DPYSL2: variants seen among roughly 807,000 people sequenced by gnomAD.
DPYSL2 encodes dihydropyrimidinase-related protein 2.
DPYSL2 carries 13 observed loss-of-function variants against 69.9 expected under a neutral mutation model. The observed-to-expected ratio is 0.19, with a 90% CI of 0.12 to 0.30. The LOEUF (loss-of-function observed/expected upper bound fraction) is 0.30, where lower values mean the gene tolerates loss of function less well. Among genes scored for constraint, DPYSL2 ranks in the 10% least tolerant of loss-of-function variants. The pLI is 1.00. For synonymous variants in DPYSL2, 326 were observed against 359.1 expected, an observed-to-expected ratio of 0.91 and a Z score of 1.04; for missense variants, 587 against 918.9, an observed-to-expected ratio of 0.64 and a Z score of 4.67.
At chr8:26,618,557 A>G (rs1015939145) in intron 3 of DPYSL2, among the ~76,000 whole-genome samples, 1 of 148,072 alleles carries the variant, frequency 6.8e-6, no homozygotes, top group African/African-American at 2.5e-5. Flanking sequence ...GGCCTGAAGC[A>G]ATCTGCCCAC....
intron 1 of DPYSL2, among the ~76,000 whole-genome samples, chr8:26,550,795 C>T (rs559523561): frequency 6.6e-6 from 1 of 152,248 alleles, no homozygotes; most frequent in Admixed American, 6.5e-5. Flanking sequence ...GCCTCAGATG[C>T]AAGGATGCCT....
chr8:26,578,170 C>T, intron 1 of DPYSL2: 1 of 1,605,046 alleles, frequency 6.2e-7, no homozygotes, highest in Non-Finnish European at 8.5e-7. Flanking sequence ...AAAAACAAAA[C>T]AAAACAAAAA....
At position 26,580,632 on chromosome 8, in the gene DPYSL2, A is replaced by G. The variant is rs1416584179; in HGVS notation, c.355-1337A>G. Among the ~76,000 whole-genome samples, 1 of 152,192 alleles carries G rather than the reference A, an allele frequency of 6.6e-6. No individual in the cohort carries two copies. Among genetic ancestry groups the G allele is most frequent in the Non-Finnish European group, 1.5e-5 (1 of 68,034 alleles). Reference sequence around the variant, plus strand: ...AAATTATCTTTTTTCCTTGCTCTCTAGTAGCTTATCTCTTTTTTAAAGATT... The same window carrying G: ...AAATTATCTTTTTTCCTTGCTCTCTGGTAGCTTATCTCTTTTTTAAAGATT... On this transcript the variant is annotated intron_variant, in intron 1 of 13. Transcript: ENST00000521913. This position sits in a 1 kb window ranked among gnomAD's most constrained non-coding sequence, Gnocchi z 4.1.
At position 26,514,573 on chromosome 8, in the gene DPYSL2, C is replaced by T. The variant is rs768818802; in HGVS notation, c.248C>T (p.Ser83Leu). ...GGCCCGGACCCGCAGCCGCCGTACT[C>T]GCGGCAGGGCCGGCGCGCCGGCGGA... ...HLGPDPQPPY[S>L]RQGRRAGGEP... is the part of the protein sequence containing the mutation. The change falls in exon 1 of 14, where the codon TCG becomes TTG. Residue 83 changes from serine (S) to leucine (L), a missense_variant. Physicochemically the swap from Ser to Leu is moderately radical, Grantham distance 145. Transcript: ENST00000521913. The surrounding 1 kb of genome is among the most constrained non-coding windows in gnomAD (Gnocchi z 8.4). 6.6e-6 allele frequency: 10 copies of T among 1,524,752 alleles called. No homozygotes were observed. In the South Asian group the frequency reaches 8.5e-5, roughly 13 times the overall value. 94.5% of individuals were successfully genotyped at this position (1,524,752 alleles called of 1,614,324 possible).
chr8:26,576,745 T>C (rs924841802), intron 1 of DPYSL2, among the ~76,000 whole-genome samples: 14 of 152,242 alleles, frequency 9.2e-5, no homozygotes, highest in African/African-American at 3.4e-4. Flanking sequence ...AGTTTCCCTT[T>C]CCTGTGGGAT....
At chr8:26,577,455 T>A (rs1380694979) in intron 1 of DPYSL2, 1 of 148,878 alleles carries the variant, frequency 6.7e-6, no homozygotes, top group East Asian at 2.0e-4. Flanking sequence ...AGTCGCGCGC[T>A]CGCCGCCAGC....
intron 1 of DPYSL2, among the ~76,000 whole-genome samples, chr8:26,566,820 T>C (rs1229386481): frequency 6.6e-6 from 1 of 152,152 alleles, no homozygotes; most frequent in Non-Finnish European, 1.5e-5. Flanking sequence ...ATTTGTGTAA[T>C]GGGTTTATTC....
chr8:26,636,015 G>T (rs999522309), intron 8 of DPYSL2, among the ~76,000 whole-genome samples: 2 of 152,058 alleles, frequency 1.3e-5, no homozygotes, highest in African/African-American at 4.8e-5. Context: ...GAGTCATCTT[G>T]TCCCAGAGAT....
rs1801620112 is a variant in DPYSL2, at chr8:26,586,954, GC to G, written c.628+2973del. Among the ~76,000 whole-genome samples the G allele has an allele frequency of 6.6e-6, 1 of 152,220 alleles. No homozygotes were observed. The highest frequency in any genetic ancestry group is 2.4e-5 in the African/African-American group (1 of 41,454). On this transcript the variant is annotated intron_variant, in intron 3 of 13. Transcript: ENST00000521913. This position sits in a 1 kb window ranked among gnomAD's most constrained non-coding sequence, Gnocchi z 4.7. The stretch of plus-strand genomic sequence containing the variant: ...ACCCCCAAATGCCATTGCTTTTATA[GC>G]CTGAGAAAAGTACTAACTACTTTTG...
rs374267017 is a variant in DPYSL2 at position 26,632,451 on chromosome 8, C to CG, written c.1006-2326dup. Among the ~76,000 whole-genome samples, 550 of 152,262 alleles carry CG rather than the reference C, an allele frequency of 3.6e-3. 2 individuals are homozygous for CG. The highest frequency in any genetic ancestry group is 4.7e-3 in the Non-Finnish European group (321 of 68,022). Reference sequence around the variant, plus strand: ...GATAATGAAGAACCCTTCACAGGGACGGGCACTTTCCAGCAGGCCTTGTAG... The same window carrying CG: ...GATAATGAAGAACCCTTCACAGGGACGGGGCACTTTCCAGCAGGCCTTGTAG... On this transcript the variant is annotated intron_variant, in intron 7 of 13. Transcript: ENST00000521913.
chr8:26,539,200 C>T (rs1189744589), intron 1 of DPYSL2, among the ~76,000 whole-genome samples: 1 of 152,160 alleles, frequency 6.6e-6, no homozygotes, highest in East Asian at 1.9e-4. Context: ...AACTAAAATG[C>T]ACATATAAAA....
intron 4 of DPYSL2, among the ~76,000 whole-genome samples, chr8:26,625,814 CTG>C (rs1802600200): frequency 6.6e-6 from 1 of 152,196 alleles, no homozygotes; most frequent in Non-Finnish European, 1.5e-5. Flanking sequence ...AAAAAATTAA[CTG>C]TGGTAAAATA....
chr8:26,541,368 AC>A (rs1166451467), intron 1 of DPYSL2, among the ~76,000 whole-genome samples: 1 of 152,204 alleles, frequency 6.6e-6, no homozygotes, highest in Non-Finnish European at 1.5e-5. Flanking sequence ...GGAGTTCATT[AC>A]CACTAGACCT....
chr8:26,546,584 T>C (rs115382955), intron 1 of DPYSL2, among the ~76,000 whole-genome samples: 1 of 152,148 alleles, frequency 6.6e-6, no homozygotes, highest in African/African-American at 2.4e-5. Flanking sequence ...AAGCTTCTAG[T>C]TTCTTATCTG....
intron 1 of DPYSL2, among the ~76,000 whole-genome samples, chr8:26,568,888 A>G (rs1347111999): frequency 6.6e-6 from 1 of 152,128 alleles, no homozygotes. Context: ...ACCCGGCTGC[A>G]GTTATCATGA....
chr8:26,616,257 C>T (rs554455975), intron 3 of DPYSL2, among the ~76,000 whole-genome samples: 2 of 152,156 alleles, frequency 1.3e-5, no homozygotes, highest in African/African-American at 4.8e-5. Flanking sequence ...CTTTTATGCC[C>T]TTTTTTTCAG....
chr8:26,570,502 G>A (rs992934691), intron 1 of DPYSL2, among the ~76,000 whole-genome samples: 11 of 152,088 alleles, frequency 7.2e-5, no homozygotes, highest in African/African-American at 2.7e-4. Context: ...ACACTGGGAG[G>A]CTGAGGTGGG....
intron 1 of DPYSL2, among the ~76,000 whole-genome samples, chr8:26,544,964 T>A (rs768507685): frequency 4.6e-5 from 7 of 152,180 alleles, no homozygotes; most frequent in Non-Finnish European, 7.3e-5. Context: ...AATATAACAA[T>A]ATAACAATCA....
rs1801059340 is a variant in DPYSL2 at position 26,560,858 on chromosome 8, C to T, written c.355-21111C>T. 6.6e-6 allele frequency among the ~76,000 whole-genome samples: 1 copy of T among 152,118 alleles called. No homozygotes were observed. The highest frequency in any genetic ancestry group is 1.5e-5 in the Non-Finnish European group (1 of 68,034). ...GTGCTGGTTCCACCCATTTTCCAAC[C>T]AGAAAGGAAAGAAACATCATTAATC... On this transcript the variant is annotated intron_variant, in intron 1 of 13. Transcript: ENST00000521913. This position sits in a 1 kb window ranked among gnomAD's most constrained non-coding sequence, Gnocchi z 4.4.
Sources: gnomAD v4.1 joint callset for allele counts (sites outside exome capture counted in the v4.1 genomes callset) on GRCh38, gnomAD v4.1.1 for gene constraint, Gnocchi (gnomAD v3.1) non-coding constraint, MANE v1.5 for transcripts, NCBI Gene and HGNC (gene_info 2026-07-23, HGNC 2026-07-21) for gene names.